Variants in SLAMF6 observed in about 807,000 individuals in gnomAD.
SLAMF6 encodes the protein NK-T-B-antigen.
SLAMF6 carries 21 observed loss-of-function variants against 38.3 expected under a neutral mutation model. That is an observed-to-expected ratio of 0.55 (90% CI 0.39 to 0.79). The LOEUF (loss-of-function observed/expected upper bound fraction) is 0.79, where lower values mean the gene tolerates loss of function less well. Ranked by LOEUF, SLAMF6 falls within the 30% of genes least tolerant of loss-of-function variation. The pLI is 0.00. For missense variants in SLAMF6, 341 were observed against 385.3 expected (o/e 0.89, Z 0.96); for synonymous variants, 152 against 146.3 (o/e 1.04, Z -0.28).
intron 2 of SLAMF6, among the ~76,000 whole-genome samples, chr1:160,492,499 G>C (rs1172603044): frequency 6.6e-6 from 1 of 152,018 alleles, no homozygotes; most frequent in African/African-American, 2.4e-5. Flanking sequence ...GTAATTTTGA[G>C]GAATAAATGA....
At chr1:160,521,297 G>A (rs1654972818) in intron 1 of SLAMF6, among the ~76,000 whole-genome samples, 1 of 152,110 alleles carries the variant, frequency 6.6e-6, no homozygotes, top group Non-Finnish European at 1.5e-5. Context: ...CCCCATAAAT[G>A]TGGGGCAGTG....
chr1:160,491,064 T>C (rs747979098), intron 3 of SLAMF6, 61 bp downstream of exon 3: 1 of 1,589,788 alleles, frequency 6.3e-7, no homozygotes, highest in Non-Finnish European at 8.6e-7. Context: ...TTACGTAGGA[T>C]GTGAGGACGC....
intron 2 of SLAMF6, among the ~76,000 whole-genome samples, chr1:160,495,005 A>G (rs1262392914): frequency 1.3e-5 from 2 of 152,122 alleles, no homozygotes; most frequent in East Asian, 1.9e-4. Context: ...TTCCCATTAC[A>G]TTTACCTGTT....
At chr1:160,501,067 G>A (rs1258877823) in intron 1 of SLAMF6, among the ~76,000 whole-genome samples, 1 of 152,196 alleles carries the variant, frequency 6.6e-6, no homozygotes, top group African/African-American at 2.4e-5. Flanking sequence ...AATCTGCAAA[G>A]ACAAGCACAG....
In SLAMF6 at chr1:160,486,396, CT is replaced by C; in HGVS notation, c.*310del. On this transcript the variant is annotated 3_prime_UTR_variant, in exon 8 of 8. Transcript: ENST00000368057. Reference sequence around the variant, plus strand: ...GGTTGTCTTCTGGATCATAAACTCTCTGTCAACCATAATTCCATTTGCTTAG... The same window carrying C: ...GGTTGTCTTCTGGATCATAAACTCTCGTCAACCATAATTCCATTTGCTTAG... 3.2e-6 allele frequency: 1 copy of C among 309,542 alleles called. No individual in the cohort carries two copies. The highest frequency in any genetic ancestry group is 6.1e-6 in the Non-Finnish European group (1 of 162,914). 19.2% of individuals were successfully genotyped at this position (309,542 alleles called of 1,614,324 possible).
At chr1:160,516,532 G>T (rs1159047182) in intron 1 of SLAMF6, among the ~76,000 whole-genome samples, 1 of 152,036 alleles carries the variant, frequency 6.6e-6, no homozygotes, top group Non-Finnish European at 1.5e-5. Flanking sequence ...CCAAAAAAGG[G>T]CTCATATAGC....
chr1:160,506,487 T>C (rs1312386798), intron 1 of SLAMF6, among the ~76,000 whole-genome samples: 2 of 152,208 alleles, frequency 1.3e-5, no homozygotes, highest in Non-Finnish European at 2.9e-5. Context: ...AGATAGAGTT[T>C]ATTGCTAGTA....
intron 1 of SLAMF6, among the ~76,000 whole-genome samples, chr1:160,498,287 G>A (rs922298669): frequency 6.6e-6 from 1 of 152,062 alleles, no homozygotes; most frequent in African/African-American, 2.4e-5. Context: ...TCTTCCAGCT[G>A]TCATTCTGAC....
Position 160,523,216 on chromosome 1 carries a change from C to CT in SLAMF6, c.-25dup. ...ATGCTTTCCGCGGTGAAGACTGGTGCTTGAGACCTTGAGGCAGTCAATGTT... is the reference window on the plus strand; with the variant it reads ...ATGCTTTCCGCGGTGAAGACTGGTGCTTTGAGACCTTGAGGCAGTCAATGTT... On this transcript the variant is annotated 5_prime_UTR_variant, in exon 1 of 8. Coordinates refer to ENST00000368057, the MANE Select transcript of SLAMF6 (RefSeq NM_001184714.2). 6.2e-7 allele frequency: 1 copy of CT among 1,610,932 alleles called. No homozygotes were observed. The highest frequency in any genetic ancestry group is 1.7e-5 in the Admixed American group (1 of 59,436).
intron 2 of SLAMF6, among the ~76,000 whole-genome samples, chr1:160,494,632 G>A (rs990813833): frequency 3.9e-5 from 6 of 152,158 alleles, no homozygotes; most frequent in Admixed American, 6.5e-5. Context: ...GTTCCCATAA[G>A]AGAAAAGCAA....
chr1:160,499,669 T>C (rs1265917393), intron 1 of SLAMF6, among the ~76,000 whole-genome samples: 4 of 152,216 alleles, frequency 2.6e-5, no homozygotes, highest in Non-Finnish European at 5.9e-5. Context: ...ATTTTAACGA[T>C]GTTGATTCTT....
At position 160,491,059 on chromosome 1, in the gene SLAMF6, T is replaced by C. The variant is rs531123478; in HGVS notation, c.646+66A>G. 1.3e-4 allele frequency: 210 copies of C among 1,581,944 alleles called. No individual in the cohort carries two copies. The East Asian group carries it at 4.6e-3, about 35-fold the overall frequency. On this transcript the variant is annotated intron_variant, in intron 3 of 7. Transcript: ENST00000368057. ...CTGGGCCACTGTATTGGAAATTACG[T>C]AGGATGTGAGGACGCGTTAAACCCC...
At chr1:160,520,907 C>A (rs1654956613) in intron 1 of SLAMF6, among the ~76,000 whole-genome samples, 1 of 152,174 alleles carries the variant, frequency 6.6e-6, no homozygotes, top group Non-Finnish European at 1.5e-5. Flanking sequence ...ACACATGATT[C>A]CCTCTGCCCT....
chr1:160,500,764 T>G (rs1653842668), intron 1 of SLAMF6, among the ~76,000 whole-genome samples: 1 of 152,132 alleles, frequency 6.6e-6, no homozygotes, highest in Admixed American at 6.6e-5. Flanking sequence ...ATTTACTGAG[T>G]GAATGGACAT....
chr1:160,511,553 T>C (rs1439646783), intron 1 of SLAMF6, among the ~76,000 whole-genome samples: 2 of 152,190 alleles, frequency 1.3e-5, no homozygotes, highest in Admixed American at 1.3e-4. Flanking sequence ...CTTCCTCTCA[T>C]TATATGCAAA....
At chr1:160,516,117 C>A (rs1342282815) in intron 1 of SLAMF6, among the ~76,000 whole-genome samples, 2 of 152,114 alleles carry the variant, frequency 1.3e-5, no homozygotes, top group Non-Finnish European at 2.9e-5. Context: ...ATCATCTCAG[C>A]CCAAAAGCTT....
chr1:160,504,411 G>A (rs1327525233), intron 1 of SLAMF6, among the ~76,000 whole-genome samples: 2 of 152,046 alleles, frequency 1.3e-5, no homozygotes, highest in Non-Finnish European at 2.9e-5. Flanking sequence ...AAATCATTGG[G>A]GAGCTTTGCA....
intron 2 of SLAMF6, among the ~76,000 whole-genome samples, chr1:160,495,759 A>G (rs145053172): frequency 1.7e-4 from 26 of 152,334 alleles, no homozygotes; most frequent in African/African-American, 6.0e-4. Flanking sequence ...TGGCAAATAC[A>G]TGTAGTGCAC....
chr1:160,511,730 C>T (rs1449751254), intron 1 of SLAMF6, among the ~76,000 whole-genome samples: 1 of 152,108 alleles, frequency 6.6e-6, no homozygotes, highest in African/African-American at 2.4e-5. Context: ...AGATGACTAA[C>T]TAGAAACAGC....
Sources: gnomAD v4.1 joint callset for allele counts (sites outside exome capture counted in the v4.1 genomes callset) on GRCh38, gnomAD v4.1.1 for gene constraint, MANE v1.5 for transcripts, NCBI Gene and HGNC (gene_info 2026-07-23, HGNC 2026-07-21) for gene names.